KIF3B: variants seen among roughly 807,000 people sequenced by gnomAD.
KIF3B encodes kinesin-like protein KIF3B.
KIF3B carries 38 observed loss-of-function variants against 74.3 expected under a neutral mutation model. The observed-to-expected ratio is 0.51, with a 90% CI of 0.39 to 0.67. The LOEUF (loss-of-function observed/expected upper bound fraction) is 0.67. KIF3B is among the 30% of genes least tolerant of loss of function. The pLI, the probability that KIF3B is intolerant of heterozygous loss-of-function variation, is 0.00. For missense variants in KIF3B, 649 were observed against 932.0 expected (o/e 0.70, Z 3.95); for synonymous variants, 326 against 342.5 (o/e 0.95, Z 0.53).
At chr20:32,297,464 G>A (rs1286600214) in intron 1 of KIF3B, among the ~76,000 whole-genome samples, 1 of 152,112 alleles carries the variant, frequency 6.6e-6, no homozygotes, top group East Asian at 1.9e-4. Flanking sequence ...GTTTTTACGT[G>A]TGTCTTTATT....
At chr20:32,299,504 T>A (rs2047733383) in intron 1 of KIF3B, among the ~76,000 whole-genome samples, 1 of 145,084 alleles carries the variant, frequency 6.9e-6, no homozygotes, top group Non-Finnish European at 1.5e-5. Flanking sequence ...CTCCGACTCT[T>A]GGGTTCAAGT....
intron 1 of KIF3B, among the ~76,000 whole-genome samples, chr20:32,299,003 C>G (rs554388609): frequency 6.6e-6 from 1 of 152,218 alleles, no homozygotes; most frequent in South Asian, 2.1e-4. Context: ...AAATGCAAAT[C>G]CATGAGCACC....
chr20:32,315,736 C>T (rs547194252), intron 2 of KIF3B, among the ~76,000 whole-genome samples: 12 of 152,160 alleles, frequency 7.9e-5, no homozygotes, highest in Admixed American at 7.2e-4. Flanking sequence ...AAAATCCCCA[C>T]AGAGTCTGAA....
chr20:32,282,432 A>G (rs1403138821), intron 1 of KIF3B, among the ~76,000 whole-genome samples: 1 of 152,174 alleles, frequency 6.6e-6, no homozygotes, highest in Non-Finnish European at 1.5e-5. Context: ...CCTGTAGAGG[A>G]GAGGCACAAG....
At chr20:32,327,047 A>C (rs1355006166) in intron 6 of KIF3B, among the ~76,000 whole-genome samples, 163 bp downstream of exon 6, 1 of 152,224 alleles carries the variant, frequency 6.6e-6, no homozygotes, top group East Asian at 1.9e-4. Flanking sequence ...CCATAGATCC[A>C]CCAGGTAAAA....
intron 7 of KIF3B, among the ~76,000 whole-genome samples, chr20:32,328,129 A>G (rs1379010389): frequency 6.6e-6 from 1 of 151,992 alleles, no homozygotes. Flanking sequence ...TATAATAAAA[A>G]TAATAACTAA....
intron 2 of KIF3B, among the ~76,000 whole-genome samples, chr20:32,313,366 A>G (rs1334716742): frequency 6.6e-6 from 1 of 152,126 alleles, no homozygotes; most frequent in Non-Finnish European, 1.5e-5. Context: ...CTATCCTAAA[A>G]TGTCTCCATG....
intron 1 of KIF3B, among the ~76,000 whole-genome samples, chr20:32,307,143 A>G (rs2047775597): frequency 1.3e-5 from 2 of 152,164 alleles, no homozygotes; most frequent in South Asian, 4.1e-4. Flanking sequence ...GCCTCCACAC[A>G]TACAAAGCCT....
chr20:32,290,641 C>G (rs957017292), intron 1 of KIF3B, among the ~76,000 whole-genome samples: 1 of 152,036 alleles, frequency 6.6e-6, no homozygotes, highest in Non-Finnish European at 1.5e-5. Flanking sequence ...GAGGCCAAGG[C>G]GGAAGGATTG....
chr20:32,285,112 A>AAC (rs2047661591), intron 1 of KIF3B, among the ~76,000 whole-genome samples: 1 of 152,062 alleles, frequency 6.6e-6, no homozygotes, highest in East Asian at 1.9e-4. Context: ...AAAAAAAAAA[A>AAC]AAAACAGTGA....
Position 32,311,021 on chromosome 20 carries a change from G to A in KIF3B, c.1244G>A (p.Arg415Gln), listed in dbSNP as rs751215411. 4 of 1,613,572 alleles carry A rather than the reference G, an allele frequency of 2.5e-6. No homozygotes were observed. Among genetic ancestry groups the A allele is most frequent in the Admixed American group, 1.7e-5 (1 of 59,854 alleles). ...EEGDDKDDYW[R>Q]EQQEKLEIEK... is the part of the protein sequence containing the mutation. ...GGGGATGATAAGGATGATTACTGGC[G>A]GGAACAGCAAGAAAAACTGGAGATT... The change falls in exon 2 of 9, where the codon CGG becomes CAG. Residue 415 changes from arginine (R) to glutamine (Q), a missense_variant. Coordinates refer to ENST00000375712, the MANE Select transcript of KIF3B (RefSeq NM_004798.4).
chr20:32,299,009 G>A (rs1321055249), intron 1 of KIF3B, among the ~76,000 whole-genome samples: 3 of 151,914 alleles, frequency 2.0e-5, no homozygotes, highest in African/African-American at 4.8e-5. Flanking sequence ...AAATCCATGA[G>A]CACCGTATTT....
At chr20:32,304,302 C>T (rs995840136) in intron 1 of KIF3B, among the ~76,000 whole-genome samples, 11 of 152,190 alleles carry the variant, frequency 7.2e-5, no homozygotes, top group African/African-American at 2.2e-4. Flanking sequence ...GCCCAAGTGG[C>T]CCATCACTGC....
chr20:32,281,032 G>A (rs570230054), intron 1 of KIF3B, among the ~76,000 whole-genome samples: 1 of 152,292 alleles, frequency 6.6e-6, no homozygotes, highest in East Asian at 1.9e-4. Flanking sequence ...ACCTCAGATT[G>A]CTTCCTAAGC....
At chr20:32,323,657 T>C (rs1305410037) in intron 5 of KIF3B, among the ~76,000 whole-genome samples, 4 of 152,000 alleles carry the variant, frequency 2.6e-5, no homozygotes, top group Non-Finnish European at 5.9e-5. Context: ...GGCAGGTGGA[T>C]CATGAGGTCA....
At chr20:32,306,352 C>T (rs531234704) in intron 1 of KIF3B, among the ~76,000 whole-genome samples, 1 of 152,058 alleles carries the variant, frequency 6.6e-6, no homozygotes, top group South Asian at 2.1e-4. Context: ...GCCAAGATCA[C>T]ACCACTGCAC....
At chr20:32,326,539 C>G (rs1178838900) in intron 5 of KIF3B, among the ~76,000 whole-genome samples, 1 of 152,150 alleles carries the variant, frequency 6.6e-6, no homozygotes, top group Non-Finnish European at 1.5e-5. Context: ...ACTGTCAGTA[C>G]CTATTATACC....
chr20:32,327,177 CA>C (rs1271170069), intron 6 of KIF3B, among the ~76,000 whole-genome samples: 2 of 152,004 alleles, frequency 1.3e-5, no homozygotes, highest in Non-Finnish European at 2.9e-5. Flanking sequence ...TATGCTAGGT[CA>C]CGTAAGGGGC....
Position 32,316,810 on chromosome 20 carries a change from C to T in KIF3B, c.1684C>T (p.His562Tyr). Residue 562 changes from histidine to tyrosine, a missense_variant, in exon 5 of 9, where the codon CAC becomes TAC. His to Tyr is a moderately conservative substitution (Grantham distance 83). Around this residue, in one of 4 missense-constraint regions of KIF3B, gnomAD observed 363 missense variants for 592.8 expected, o/e 0.61. Coordinates refer to ENST00000375712, the MANE Select transcript of KIF3B (RefSeq NM_004798.4). ...KAEIHDLQEE[H>Y]IKERQELEQT... ...TGAGATCCATGACCTCCAAGAAGAA[C>T]ACATCAAGGAGCGCCAAGAGCTAGA... is the stretch of plus-strand genomic sequence containing the variant. The T allele has an allele frequency of 2.5e-6, 4 of 1,614,152 alleles. No homozygotes were observed. The highest frequency in any genetic ancestry group is 2.2e-5 in the South Asian group (2 of 91,082).
Sources: gnomAD v4.1 joint callset for allele counts (sites outside exome capture counted in the v4.1 genomes callset) on GRCh38, gnomAD v4.1.1 for gene constraint, gnomAD v4.1.1 regional missense constraint, MANE v1.5 for transcripts, NCBI Gene and HGNC (gene_info 2026-07-23, HGNC 2026-07-21) for gene names.